ALKBH8: variants seen among roughly 807,000 people sequenced by gnomAD.
The protein encoded by ALKBH8 is alkB homolog 8, tRNA methyltransferase.
ALKBH8 carries 36 observed loss-of-function variants against 59.8 expected under a neutral mutation model. The observed-to-expected ratio is 0.60, with a 90% CI of 0.46 to 0.79. The LOEUF is 0.79. Ranked by LOEUF, ALKBH8 falls within the 30% of genes least tolerant of loss-of-function variation. The probability of loss-of-function intolerance (pLI) is 0.00; values close to 1 mark genes in which losing one functional copy is unlikely to be tolerated. For synonymous variants in ALKBH8, 276 were observed against 273.6 expected (o/e 1.01, Z -0.09); for missense variants, 768 against 801.0 (o/e 0.96, Z 0.50).
At chr11:107,535,602 T>G (rs116460848) in intron 7 of ALKBH8, among the ~76,000 whole-genome samples, 1 of 152,014 alleles carries the variant, frequency 6.6e-6, no homozygotes, top group African/African-American at 2.4e-5. Flanking sequence ...TTTGATATGA[T>G]TGTTTGTTTT....
chr11:107,539,020 G>A (rs1347690132), intron 7 of ALKBH8, among the ~76,000 whole-genome samples: 1 of 152,204 alleles, frequency 6.6e-6, no homozygotes, highest in Non-Finnish European at 1.5e-5. Flanking sequence ...CTACCAAACA[G>A]AAATATTCTA....
rs1212357046 is a variant in ALKBH8, at chr11:107,505,230, C to A, written c.1438-15G>T. On this transcript the variant is annotated splice_polypyrimidine_tract_variant and intron_variant, in intron 11 of 11. Transcript: ENST00000428149. ...ACTCTACGCTCCTAATGAAAAAAAA[C>A]AAAACACATGATCAACCTGGAAGAG... The A allele has an allele frequency of 6.6e-7, 1 of 1,504,004 alleles. No individual in the cohort carries two copies. The highest frequency in any genetic ancestry group is 8.9e-7 in the Non-Finnish European group (1 of 1,125,074). 93.2% of individuals were successfully genotyped at this position (1,504,004 alleles called of 1,614,324 possible). A position where few individuals can be genotyped will look rare whatever the true frequency, so the allele number is the denominator to read the frequency against.
intron 10 of ALKBH8, among the ~76,000 whole-genome samples, chr11:107,512,303 G>T (rs1316613301): frequency 2.5e-4 from 2 of 8,016 alleles, no homozygotes; most frequent in African/African-American, 1.9e-3. Context: ...TATTTTAAGG[G>T]TTTTTTTTTG....
rs77867465 is a variant in ALKBH8 at position 107,534,410 on chromosome 11, G to A, written c.772-2004C>T. Among the ~76,000 whole-genome samples the A allele has an allele frequency of 3.5e-3, 531 of 152,180 alleles. 3 individuals carry two copies. The highest frequency in any genetic ancestry group is 0.012 in the African/African-American group (502 of 41,516). On this transcript the variant is annotated intron_variant, in intron 7 of 11. Coordinates refer to ENST00000428149, the MANE Select transcript of ALKBH8 (RefSeq NM_138775.3). ...ATTTGTTAGACAAATTTTATTAATC[G>A]TTTGGTGAGATATCAAAGGCTACAA...
At chr11:107,510,220 A>G (rs898724697) in intron 11 of ALKBH8, among the ~76,000 whole-genome samples, 2 of 152,210 alleles carry the variant, frequency 1.3e-5, no homozygotes, top group Admixed American at 6.5e-5. Flanking sequence ...GTGACCCATA[A>G]GGTGAGCTAT....
At chr11:107,564,307 T>G (rs1865047863) in intron 1 of ALKBH8, among the ~76,000 whole-genome samples, 1 of 152,190 alleles carries the variant, frequency 6.6e-6, no homozygotes, top group Admixed American at 6.5e-5. Context: ...CCTCCTTGAA[T>G]AATAGAGAGC....
rs1862234269 is a variant in ALKBH8, at chr11:107,502,819, C to T, written c.*1839G>A. On this transcript the variant is annotated 3_prime_UTR_variant, in exon 12 of 12. Transcript: ENST00000428149. ...CTCCTCTGGGAGTAATAATAATGAA[C>T]ATTTCTCAAAGCCATACTATATTCT... 6.6e-6 allele frequency: 1 copy of T among 152,152 alleles called. No homozygotes were observed. The highest frequency in any genetic ancestry group is 1.5e-5 in the Non-Finnish European group (1 of 68,022). The allele number at this position is 152,152 out of a possible 1,614,324, so 9.4% of individuals were successfully genotyped here. A position where few individuals can be genotyped will look rare whatever the true frequency, so the allele number is the denominator to read the frequency against.
intron 9 of ALKBH8, among the ~76,000 whole-genome samples, chr11:107,524,453 C>A (rs1351245556): frequency 2.0e-5 from 3 of 152,118 alleles, no homozygotes; most frequent in African/African-American, 7.2e-5. Flanking sequence ...TAAACATTTG[C>A]ATAAGAAAAC....
At position 107,509,319 on chromosome 11, in the gene ALKBH8, T is replaced by C. The variant is rs549378695; in HGVS notation, c.1437+1568A>G. 3.3e-5 allele frequency among the ~76,000 whole-genome samples: 5 copies of C among 152,320 alleles called. No homozygotes were observed. The South Asian group carries it at 1.0e-3, about 32-fold the overall frequency. On this transcript the variant is annotated intron_variant, in intron 11 of 11. Transcript: ENST00000428149. The stretch of plus-strand genomic sequence containing the variant: ...CATTTGTATATCTTCTTTGGAAAAA[T>C]GTCTATTTAAGTCCTCTGTCCATTT...
intron 7 of ALKBH8, among the ~76,000 whole-genome samples, chr11:107,537,136 A>T (rs1362478132): frequency 6.6e-6 from 1 of 152,248 alleles, no homozygotes; most frequent in Non-Finnish European, 1.5e-5. Flanking sequence ...AGACAATGTT[A>T]GCAGAAGGTG....
chr11:107,514,967 T>A (rs563185401), intron 10 of ALKBH8, among the ~76,000 whole-genome samples: 1 of 152,258 alleles, frequency 6.6e-6, no homozygotes, highest in African/African-American at 2.4e-5. Context: ...CTCTTATAGC[T>A]ATTTGTACAC....
At chr11:107,510,083 T>G (rs61908179) in intron 11 of ALKBH8, among the ~76,000 whole-genome samples, 30,664 of 152,054 alleles carry the variant, frequency 0.2, 3,877 homozygotes, top group South Asian at 0.38. Context: ...TAATATTGTT[T>G]GCTGCAGCCC....
chr11:107,511,157 G>C, intron 10 of ALKBH8, 121 bp from the exon 11 acceptor site: 1 of 1,016,150 alleles, frequency 9.8e-7, no homozygotes, highest in Non-Finnish European at 1.4e-6. Context: ...GAAATGGTCT[G>C]AGACCATGAT....
chr11:107,542,524 T>G (rs1398983490), intron 7 of ALKBH8, among the ~76,000 whole-genome samples: 1 of 152,144 alleles, frequency 6.6e-6, no homozygotes, highest in African/African-American at 2.4e-5. Context: ...GTCAGTTATA[T>G]CTCCACAAAG....
intron 11 of ALKBH8, 43 bp downstream of exon 11, chr11:107,510,844 G>C: frequency 1.3e-6 from 2 of 1,540,580 alleles, no homozygotes. Flanking sequence ...TCTTCCTGCT[G>C]CTTTAGCTAC....
chr11:107,544,040 G>A (rs1864152045), intron 7 of ALKBH8, among the ~76,000 whole-genome samples: 1 of 152,184 alleles, frequency 6.6e-6, no homozygotes, highest in African/African-American at 2.4e-5. Context: ...CCTAATTTAA[G>A]TGCAGCCAAC....
intron 10 of ALKBH8, among the ~76,000 whole-genome samples, 198 bp downstream of exon 10, chr11:107,522,100 GA>G (rs1010416540): frequency 7.3e-5 from 11 of 151,210 alleles, no homozygotes; most frequent in African/African-American, 2.2e-4. Flanking sequence ...TCTAAAGGGA[GA>G]AAAAAAATTA....
At chr11:107,532,161 G>A (rs589316) in intron 8 of ALKBH8, 139 bp downstream of exon 8, 279,121 of 560,302 alleles carry the variant, frequency 0.5, 73,889 homozygotes, top group Non-Finnish European at 0.56. Flanking sequence ...TAACAAAAAC[G>A]AAACTAGATA....
chr11:107,537,757 C>T (rs1214797254), intron 7 of ALKBH8, among the ~76,000 whole-genome samples: 1 of 151,466 alleles, frequency 6.6e-6, no homozygotes, highest in Non-Finnish European at 1.5e-5. Flanking sequence ...ATATGAGTTA[C>T]ATGTTCTTAC....
Sources: allele counts gnomAD v4.1 joint callset (sites outside exome capture counted in the v4.1 genomes callset), GRCh38; gene constraint gnomAD v4.1.1; transcripts MANE v1.5; gene names NCBI Gene and HGNC (gene_info 2026-07-23, HGNC 2026-07-21).